MAPK9: variants seen among roughly 807,000 people sequenced by gnomAD.
MAPK9 encodes Jun kinase.
In MAPK9, 30 loss-of-function variants were observed where a neutral mutation model predicts 57.1. The ratio of observed to expected loss-of-function variants is 0.53; its 90% CI spans 0.39 to 0.71. The LOEUF is 0.71. MAPK9 is among the 30% of genes least tolerant of loss of function. The pLI, the probability that MAPK9 is intolerant of heterozygous loss-of-function variation, is 0.00. For missense variants in MAPK9, 362 were observed against 521.0 expected, an observed-to-expected ratio of 0.69 and a Z score of 2.97; for synonymous variants, 155 against 177.0, an observed-to-expected ratio of 0.88 and a Z score of 0.99.
At chr5:180,273,721 T>C (rs1761570989) in intron 2 of MAPK9, among the ~76,000 whole-genome samples, 1 of 152,230 alleles carries the variant, frequency 6.6e-6, no homozygotes, top group African/African-American at 2.4e-5. Flanking sequence ...AACATTCCTA[T>C]GTCCATTTAT....
At chr5:180,288,310 T>C (rs890716388) in intron 1 of MAPK9, among the ~76,000 whole-genome samples, 2 of 152,000 alleles carry the variant, frequency 1.3e-5, no homozygotes, top group South Asian at 4.2e-4. Context: ...AACAAAGAAA[T>C]AGGAGGGGGA....
Position 180,249,034 on chromosome 5 carries a change from G to A in MAPK9, c.555C>T (p.Tyr185=), listed in dbSNP as rs760388885. Residue 185 remains tyrosine, a synonymous_variant, in exon 6 of 12, where the codon TAC becomes TAT. Transcript: ENST00000452135. ...GCGCCCGGTAGTACCGTGTCACCAC[G>A]TAAGGGGTCATCATGAAGTTAGTGC... ...TACTNFMMTP[Y]VVTRYYRAPE... 3.2e-5 allele frequency: 51 copies of A among 1,613,844 alleles called. No individual in the cohort carries two copies. Among genetic ancestry groups the A allele is most frequent in the Admixed American group, 6.7e-5 (4 of 59,972 alleles).
intron 10 of MAPK9, among the ~76,000 whole-genome samples, chr5:180,238,824 G>A (rs1757414096): frequency 6.6e-6 from 1 of 152,150 alleles, no homozygotes; most frequent in Non-Finnish European, 1.5e-5. Context: ...GGCTAGGCTT[G>A]TCTTGAATTC....
At chr5:180,239,245 C>A (rs1466288783) in intron 10 of MAPK9, among the ~76,000 whole-genome samples, 1 of 152,232 alleles carries the variant, frequency 6.6e-6, no homozygotes, top group African/African-American at 2.4e-5. Context: ...CCTAAAATGT[C>A]AGTATTCATA....
chr5:180,270,299 T>C (rs893792507), intron 2 of MAPK9, among the ~76,000 whole-genome samples: 1 of 152,246 alleles, frequency 6.6e-6, no homozygotes, highest in African/African-American at 2.4e-5. Flanking sequence ...TTAATGCTTT[T>C]GCCAAACTCG....
At chr5:180,266,874 G>A (rs1285211694) in intron 3 of MAPK9, among the ~76,000 whole-genome samples, 3 of 152,184 alleles carry the variant, frequency 2.0e-5, no homozygotes, top group South Asian at 2.1e-4. Context: ...TCACCTGGAC[G>A]AGTATGCAAA....
chr5:180,272,978 C>T (rs1180218448), intron 2 of MAPK9, among the ~76,000 whole-genome samples: 2 of 151,830 alleles, frequency 1.3e-5, no homozygotes, highest in Non-Finnish European at 1.5e-5. Context: ...GCTGCCTCTG[C>T]GTGGTTCCAG....
At chr5:180,273,884 C>T (rs957361506) in intron 2 of MAPK9, among the ~76,000 whole-genome samples, 3 of 152,204 alleles carry the variant, frequency 2.0e-5, no homozygotes, top group African/African-American at 4.8e-5. Flanking sequence ...TAAGTCTTCA[C>T]ATCTCGCAGA....
chr5:180,238,486 T>C (rs943888476), intron 10 of MAPK9, 83 bp from the exon 11 acceptor site: 7 of 992,276 alleles, frequency 7.1e-6, no homozygotes, highest in Non-Finnish European at 9.5e-6. Context: ...CCAAATCAAC[T>C]GGAACAAAGG....
intron 1 of MAPK9, among the ~76,000 whole-genome samples, chr5:180,285,952 C>T (rs1162957943): frequency 2.7e-5 from 4 of 149,308 alleles, no homozygotes; most frequent in South Asian, 2.2e-4. Context: ...TGGTGGCGGG[C>T]GCCTGTAGTC....
At chr5:180,244,344 C>T (rs534496117) in intron 7 of MAPK9, among the ~76,000 whole-genome samples, 21 of 152,288 alleles carry the variant, frequency 1.4e-4, no homozygotes, top group South Asian at 1.0e-3. Flanking sequence ...CCAACATCAT[C>T]GACATTTTGC....
chr5:180,267,832 AC>A (rs1760799144), intron 3 of MAPK9, among the ~76,000 whole-genome samples: 2 of 151,750 alleles, frequency 1.3e-5, no homozygotes, highest in African/African-American at 4.8e-5. Context: ...AACAAAAAAA[AC>A]CAGATTTCAC....
At chr5:180,271,156 GATAA>G (rs1761268045) in intron 2 of MAPK9, among the ~76,000 whole-genome samples, 1 of 152,128 alleles carries the variant, frequency 6.6e-6, no homozygotes, top group Admixed American at 6.5e-5. Context: ...TGCTGGACAT[GATAA>G]ATATATACAA....
intron 5 of MAPK9, chr5:180,257,540 T>C (rs1759417500): frequency 6.6e-6 from 1 of 152,254 alleles, no homozygotes; most frequent in Admixed American, 6.5e-5. Flanking sequence ...TATCTCTGCC[T>C]CTAGTCTCAC....
chr5:180,274,329 T>C (rs1761624654), intron 2 of MAPK9, among the ~76,000 whole-genome samples: 1 of 152,238 alleles, frequency 6.6e-6, no homozygotes, highest in Admixed American at 6.5e-5. Flanking sequence ...TACTCATTAA[T>C]TTAACAAAAC....
chr5:180,263,792 A>G (rs983333943), intron 4 of MAPK9, among the ~76,000 whole-genome samples: 3 of 133,064 alleles, frequency 2.3e-5, no homozygotes, highest in African/African-American at 8.7e-5. Context: ...TGCAAGCTCC[A>G]CCTCCCGGGT....
At position 180,249,090 on chromosome 5, in the gene MAPK9, T is replaced by C; in HGVS notation, c.499A>G (p.Ile167Val). 6.2e-7 allele frequency: 1 copy of C among 1,614,008 alleles called. No homozygotes were observed. Among genetic ancestry groups the C allele is most frequent in the Non-Finnish European group, 8.5e-7 (1 of 1,179,930 alleles). Residue 167 changes from isoleucine to valine, a missense_variant, in exon 6 of 12, where the codon ATC (isoleucine) becomes GTC (valine). Around this residue, in one of 3 missense-constraint regions of MAPK9, gnomAD observed 127 missense variants for 231.7 expected, o/e 0.55. Coordinates refer to ENST00000452135, the MANE Select transcript of MAPK9 (RefSeq NM_002752.5). Reference sequence around the variant, plus strand: ...GTCCGGGCCAGGCCAAAGTCAAGGATCTTCAGGGTGCAGTCTGATTTCACA... The same window carrying C: ...GTCCGGGCCAGGCCAAAGTCAAGGACCTTCAGGGTGCAGTCTGATTTCACA... Reference protein sequence around the residue: ...IVVKSDCTLKILDFGLARTAC... With the variant: ...IVVKSDCTLKVLDFGLARTAC...
At chr5:180,273,548 T>G (rs895575964) in intron 2 of MAPK9, among the ~76,000 whole-genome samples, 5 of 152,200 alleles carry the variant, frequency 3.3e-5, no homozygotes, top group Non-Finnish European at 7.3e-5. Context: ...TTTTATGTTG[T>G]GTTTAAAGGA....
At chr5:180,291,415 G>A (rs1763221231) in intron 1 of MAPK9, among the ~76,000 whole-genome samples, 1 of 152,220 alleles carries the variant, frequency 6.6e-6, no homozygotes, top group Non-Finnish European at 1.5e-5. Flanking sequence ...CCAGGCGTCT[G>A]CATACATTCA....
Sources: gnomAD v4.1 joint callset for allele counts (sites outside exome capture counted in the v4.1 genomes callset) on GRCh38, gnomAD v4.1.1 for gene constraint, gnomAD v4.1.1 regional missense constraint, MANE v1.5 for transcripts, NCBI Gene and HGNC (gene_info 2026-07-23, HGNC 2026-07-21) for gene names.